SLC17A9: variants seen among roughly 807,000 people sequenced by gnomAD.
SLC17A9 encodes voltage-gated purine nucleotide uniporter SLC17A9.
SLC17A9 carries 49 observed loss-of-function variants against 55.0 expected under a neutral mutation model. The observed-to-expected ratio is 0.89, with a 90% confidence interval of 0.71 to 1.13. The LOEUF (loss-of-function observed/expected upper bound fraction) is 1.13, where lower values mean the gene tolerates loss of function less well. SLC17A9 is among the 50% of genes most tolerant of loss of function. SLC17A9 has a pLI of 0.00. For missense variants in SLC17A9, 526 were observed against 569.3 expected (o/e 0.92, Z 0.77); for synonymous variants, 256 against 247.4 (o/e 1.03, Z -0.32).
Position 62,967,405 on chromosome 20 carries a change from CT to C in SLC17A9, c.1218del (p.Val407TrpfsTer23). On this transcript the variant is annotated frameshift_variant, in exon 13 of 13. Coordinates refer to ENST00000370351, the MANE Select transcript of SLC17A9 (RefSeq NM_022082.4). LOFTEE classifies it high-confidence loss of function. ...TTGSWTCLFN[L>X]VAIISNLGLC... ...GGGCTCCTGGACTTGCCTGTTCAAC[CT>C]TGTGGCCATCATCAGCAACCTGGGG... 6.2e-7 allele frequency: 1 copy of C among 1,614,208 alleles called. No individual in the cohort carries two copies. Among genetic ancestry groups the C allele is most frequent in the East Asian group, 2.2e-5 (1 of 44,888 alleles).
At chr20:62,953,039 G>GGGAGGTGGAA in intron 1 of SLC17A9, 150 bp downstream of exon 1, 1 of 1,189,828 alleles carries the variant, frequency 8.4e-7, no homozygotes, top group Non-Finnish European at 1.2e-6. Context: ...TGTTCCTTGT[G>GGGAGGTGGAA]GGAGGTGGAA....
intron 3 of SLC17A9, 136 bp from the exon 4 acceptor site, chr20:62,960,368 G>A (rs2065578889): frequency 1.3e-6 from 1 of 767,710 alleles, no homozygotes; most frequent in Non-Finnish European, 2.1e-6. Flanking sequence ...GCCCTGCCCT[G>A]CTGGTCCCTC....
Position 62,962,432 on chromosome 20 carries a change from G to A in SLC17A9, c.498-192G>A, listed in dbSNP as rs1226273894. The stretch of plus-strand genomic sequence containing the variant: ...TTCGCCCCAGCCCTGTGTGCCCGGA[G>A]TCTCCCCTGAGTACCCGAAGTCCTT... On this transcript the variant is annotated intron_variant, in intron 4 of 12. Transcript: ENST00000370351. The surrounding 1 kb of genome is among the most constrained non-coding windows in gnomAD (Gnocchi z 5.5). 2.6e-5 allele frequency: 15 copies of A among 566,914 alleles called. No homozygotes were observed. In the East Asian group the frequency reaches 4.1e-4, roughly 16 times the overall value. The allele number at this position is 566,914 out of a possible 1,614,324, so 35.1% of individuals were successfully genotyped here. A position where few individuals can be genotyped will look rare whatever the true frequency, so the allele number is the denominator to read the frequency against.
chr20:62,954,764 C>T (rs1368141358), intron 1 of SLC17A9, among the ~76,000 whole-genome samples: 1 of 152,250 alleles, frequency 6.6e-6, no homozygotes, highest in African/African-American at 2.4e-5. Context: ...CTGCCGCCTG[C>T]CACGTAGGGC....
chr20:62,962,273 G>A lies in SLC17A9; in HGVS notation c.498-351G>A, dbSNP rs1184707503. On this transcript the variant is annotated intron_variant, in intron 4 of 12. Transcript: ENST00000370351. The surrounding 1 kb of genome is among the most constrained non-coding windows in gnomAD (Gnocchi z 5.5). The stretch of plus-strand genomic sequence containing the variant: ...ATATGCTCATCACCGTCTCCTCCTC[G>A]GTGCCGTTTTTAGTTGAAAAGGATC... 1.5e-5 allele frequency: 3 copies of A among 197,004 alleles called. 1 individual carries two copies. In the South Asian group the frequency reaches 2.8e-4, roughly 18 times the overall value. 12.2% of individuals were successfully genotyped at this position (197,004 alleles called of 1,614,324 possible).
intron 9 of SLC17A9, 113 bp downstream of exon 9, chr20:62,965,279 C>T: frequency 7.3e-7 from 1 of 1,378,178 alleles, no homozygotes; most frequent in South Asian, 1.2e-5. Context: ...AGGCAAATGC[C>T]AGGCCTCTCC....
At chr20:62,957,662 GGTGC>G in intron 3 of SLC17A9, 82 bp downstream of exon 3, 1 of 1,243,876 alleles carries the variant, frequency 8.0e-7, no homozygotes. Context: ...TGTGTGTGCA[GGTGC>G]ATGCGTGCAT....
intron 1 of SLC17A9, among the ~76,000 whole-genome samples, chr20:62,955,821 C>G (rs2427455): frequency 0.28 from 42,067 of 152,214 alleles, 8,001 homozygotes; most frequent in African/African-American, 0.54. Flanking sequence ...GGTTAGGCAG[C>G]CTGGCAGTGA....
chr20:62,966,020 T>G (rs1188757548), intron 10 of SLC17A9, among the ~76,000 whole-genome samples: 1 of 152,098 alleles, frequency 6.6e-6, no homozygotes, highest in Non-Finnish European at 1.5e-5. Flanking sequence ...CAGCTGGGGC[T>G]CGGGTTGGCA....
At position 62,958,932 on chromosome 20, in the gene SLC17A9, T is replaced by C. The variant is rs1290308267; in HGVS notation, c.397+1352T>C. ...GAGTGCAACTGAGGACTTAGGATTG[T>C]GTGTTTACTGTGAGGCCCCATCCCA... On this transcript the variant is annotated intron_variant, in intron 3 of 12. Transcript: ENST00000370351. The surrounding 1 kb of genome is among the most constrained non-coding windows in gnomAD (Gnocchi z 4.1). Among the ~76,000 whole-genome samples, 1 of 152,058 alleles carries C rather than the reference T, an allele frequency of 6.6e-6. No homozygotes were observed. The highest frequency in any genetic ancestry group is 1.5e-5 in the Non-Finnish European group (1 of 67,996).
Position 62,956,955 on chromosome 20 carries a change from G to C in SLC17A9, c.250G>C (p.Gly84Arg). The C allele has an allele frequency of 6.2e-7, 1 of 1,613,308 alleles. No individual in the cohort carries two copies. The highest frequency in any genetic ancestry group is 8.5e-7 in the Non-Finnish European group (1 of 1,179,992). ...CLTQVVGGHL[G>R]DRIGGEKVIL... is the part of the protein sequence containing the mutation. The stretch of plus-strand genomic sequence containing the variant: ...GACACAGGTTGTGGGCGGCCACCTC[G>C]GGGATCGGTAACTGCCCATCTTCCC... Residue 84 changes from glycine to arginine, a missense_variant, in exon 2 of 13, where the codon GGG (glycine) becomes CGG (arginine). Transcript: ENST00000370351.
Position 62,963,593 on chromosome 20 carries a change from C to G in SLC17A9, c.735C>G (p.Val245=). 6.3e-7 allele frequency: 1 copy of G among 1,594,662 alleles called. No homozygotes were observed. The highest frequency in any genetic ancestry group is 8.5e-7 in the Non-Finnish European group (1 of 1,170,536). Reference sequence around the variant, plus strand: ...CCATTGGGCCCCGCAGGGCAGCCGTCGTCTCCCAGCTCTCTGCAGCCTGCT... The same window carrying G: ...CCATTGGGCCCCGCAGGGCAGCCGTGGTCTCCCAGCTCTCTGCAGCCTGCT... ...LFRKPAVWAA[V]VSQLSAACSF... The change falls in exon 7 of 13, where the codon GTC becomes GTG. Residue 245 remains valine, a synonymous_variant. Transcript: ENST00000370351.
In SLC17A9 at chr20:62,960,529, C is replaced by T. The variant is rs761841413; in HGVS notation, c.423C>T (p.Ser141=). Residue 141 remains serine (S), a synonymous_variant, in exon 4 of 13, where the codon AGC becomes AGT. Coordinates refer to ENST00000370351, the MANE Select transcript of SLC17A9 (RefSeq NM_022082.4). ...GGGTTTACTTCCCTGCCCTGACCAGCCTGCTGTCGCAGAAGGTGCGGGAGA... is the reference window on the plus strand; with the variant it reads ...GGGTTTACTTCCCTGCCCTGACCAGTCTGCTGTCGCAGAAGGTGCGGGAGA... The part of the protein sequence containing the change: ...LQGVYFPALT[S]LLSQKVRESE... 2.5e-6 allele frequency: 4 copies of T among 1,613,480 alleles called. No individual in the cohort carries two copies. In the East Asian group the frequency reaches 8.9e-5, roughly 36 times the overall value.
In SLC17A9 at chr20:62,969,482, C is replaced by T. The variant is rs2065665487; in HGVS notation, c.*1982C>T. On this transcript the variant is annotated 3_prime_UTR_variant, in exon 13 of 13. Transcript: ENST00000370351. Reference sequence around the variant, plus strand: ...GGGCGCACGCTGGGTTTGCCTACGTCTGGCTTACTTCACTCAGCAGAGTGT... The same window carrying T: ...GGGCGCACGCTGGGTTTGCCTACGTTTGGCTTACTTCACTCAGCAGAGTGT... 6.6e-6 allele frequency: 1 copy of T among 152,182 alleles called. No individual in the cohort carries two copies. Among genetic ancestry groups the T allele is most frequent in the African/African-American group, 2.4e-5 (1 of 41,440 alleles). The allele number at this position is 152,182 out of a possible 1,614,324, so 9.4% of individuals were successfully genotyped here.
intron 7 of SLC17A9, chr20:62,963,890 G>A (rs2065611773): frequency 1.7e-6 from 1 of 601,178 alleles, no homozygotes; most frequent in African/African-American, 1.9e-5. Flanking sequence ...AAATGATGCG[G>A]GCGCTCGGTG....
intron 10 of SLC17A9, among the ~76,000 whole-genome samples, chr20:62,966,021 C>T (rs1425709274): frequency 1.3e-5 from 2 of 152,130 alleles, no homozygotes; most frequent in African/African-American, 2.4e-5. Context: ...AGCTGGGGCT[C>T]GGGTTGGCAT....
At chr20:62,957,112 A>C (rs965519987) in intron 2 of SLC17A9, 150 bp downstream of exon 2, 2 of 1,328,432 alleles carry the variant, frequency 1.5e-6, no homozygotes, top group Non-Finnish European at 1.0e-6. Context: ...CTCCTGGGGA[A>C]GGAGCTTCGT....
chr20:62,969,124 C>G lies in SLC17A9; in HGVS notation c.*1624C>G, dbSNP rs1037826493. ...CAGTTGCTGTCTGGAGGCCAGGAAG[C>G]CAAGCCCAGGAAGCCCACCTGCGGC... On this transcript the variant is annotated 3_prime_UTR_variant, in exon 13 of 13. Coordinates refer to ENST00000370351, the MANE Select transcript of SLC17A9 (RefSeq NM_022082.4). 6.6e-6 allele frequency: 1 copy of G among 152,182 alleles called. No homozygotes were observed. The highest frequency in any genetic ancestry group is 2.4e-5 in the African/African-American group (1 of 41,434). 9.4% of individuals were successfully genotyped at this position (152,182 alleles called of 1,614,324 possible).
At chr20:62,957,137 C>T in intron 2 of SLC17A9, 175 bp downstream of exon 2, 3 of 977,746 alleles carry the variant, frequency 3.1e-6, no homozygotes, top group South Asian at 4.7e-5. Context: ...ACAGAGGATG[C>T]GACTCCTGGG....
Sources: allele counts gnomAD v4.1 joint callset (sites outside exome capture counted in the v4.1 genomes callset), GRCh38; gene constraint gnomAD v4.1.1; non-coding constraint Gnocchi (gnomAD v3.1); transcripts MANE v1.5; gene names NCBI Gene and HGNC (gene_info 2026-07-23, HGNC 2026-07-21).